The following PRRG4 variants were observed in gnomAD, a reference collection of about 807,000 sequenced individuals.
The protein encoded by PRRG4 is proline rich and Gla domain 4.
PRRG4 carries 12 observed loss-of-function variants against 20.0 expected under a neutral mutation model. The observed-to-expected ratio is 0.60, with a 90% CI of 0.38 to 0.97. The LOEUF is 0.97. Among genes scored for constraint, PRRG4 ranks in the 50% least tolerant of loss-of-function variants. PRRG4 has a pLI of 0.00. For missense variants in PRRG4, 199 were observed against 265.1 expected (o/e 0.75, Z 1.73); for synonymous variants, 94 against 96.4 (o/e 0.98, Z 0.15).
intron 3 of PRRG4, among the ~76,000 whole-genome samples, chr11:32,837,894 C>T (rs1397199320): frequency 2.0e-5 from 3 of 151,996 alleles, no homozygotes; most frequent in Non-Finnish European, 4.4e-5. Flanking sequence ...ATAACCCTAG[C>T]TCCTTTTTCC....
intron 2 of PRRG4, among the ~76,000 whole-genome samples, chr11:32,835,251 G>A (rs1307527717): frequency 6.6e-6 from 1 of 152,212 alleles, no homozygotes; most frequent in African/African-American, 2.4e-5. Flanking sequence ...TGTTCTCAAA[G>A]GGCCAAAAAT....
chr11:32,852,374 G>GA (rs1227933161), intron 5 of PRRG4, among the ~76,000 whole-genome samples: 1 of 152,194 alleles, frequency 6.6e-6, no homozygotes, highest in East Asian at 1.9e-4. Flanking sequence ...AGAATGACGT[G>GA]AAGAAAGTAC....
intron 2 of PRRG4, among the ~76,000 whole-genome samples, chr11:32,834,973 C>T (rs557570559): frequency 7.2e-5 from 11 of 152,194 alleles, no homozygotes; most frequent in South Asian, 2.1e-4. Flanking sequence ...ACCACCACAC[C>T]GGGCTAATTT....
chr11:32,845,094 TAAAAAAAATAAA>T (rs1565116164), intron 5 of PRRG4, among the ~76,000 whole-genome samples: 1 of 151,660 alleles, frequency 6.6e-6, no homozygotes, highest in Non-Finnish European at 1.5e-5. Context: ...TATGATCTTG[TAAAAAAAATAAA>T]AATAAAAATA....
rs201630049 is a variant in PRRG4 at position 32,844,977 on chromosome 11, G to A, written c.449+4738G>A. On this transcript the variant is annotated intron_variant, in intron 5 of 5. Transcript: ENST00000257836. ...AAACATATTATCAGAAGGTAATATA[G>A]ATAGTATAATCAGAAAGTATTATAT... 9.2e-5 allele frequency among the ~76,000 whole-genome samples: 14 copies of A among 152,224 alleles called. No homozygotes were observed. The East Asian group carries it at 1.7e-3, about 19-fold the overall frequency.
chr11:32,833,258 G>C (rs1422932393), intron 2 of PRRG4, among the ~76,000 whole-genome samples: 1 of 152,162 alleles, frequency 6.6e-6, no homozygotes, highest in African/African-American at 2.4e-5. Flanking sequence ...ATTTAATACA[G>C]TGTTAATCAT....
intron 2 of PRRG4, among the ~76,000 whole-genome samples, chr11:32,833,045 G>T (rs1221077335): frequency 2.0e-5 from 3 of 152,200 alleles, no homozygotes; most frequent in Non-Finnish European, 4.4e-5. Flanking sequence ...AAAGCCAAGG[G>T]TGTTTCAAGG....
intron 5 of PRRG4, among the ~76,000 whole-genome samples, chr11:32,845,612 C>T (rs1224054886): frequency 3.5e-5 from 5 of 143,710 alleles, no homozygotes; most frequent in African/African-American, 7.8e-5. Flanking sequence ...GGCAACAGAG[C>T]AAGACTCCGT....
At chr11:32,830,788 A>AT (rs1273731951) in intron 2 of PRRG4, among the ~76,000 whole-genome samples, 156 bp downstream of exon 2, 1 of 152,154 alleles carries the variant, frequency 6.6e-6, no homozygotes, top group Non-Finnish European at 1.5e-5. Flanking sequence ...GTGTTTTTTT[A>AT]TGTTCTTTAA....
At chr11:32,841,703 G>C (rs990360624) in intron 5 of PRRG4, among the ~76,000 whole-genome samples, 2 of 152,044 alleles carry the variant, frequency 1.3e-5, no homozygotes, top group Non-Finnish European at 2.9e-5. Flanking sequence ...TCATCTGCTT[G>C]TGGGGCTGAG....
chr11:32,851,051 C>T (rs1851178746), intron 5 of PRRG4, among the ~76,000 whole-genome samples: 1 of 151,984 alleles, frequency 6.6e-6, no homozygotes, highest in Admixed American at 6.6e-5. Context: ...CCAATCTCGG[C>T]AACAGGAGTG....
At chr11:32,841,643 T>TA (rs145866061) in intron 5 of PRRG4, among the ~76,000 whole-genome samples, 4 of 151,072 alleles carry the variant, frequency 2.6e-5, no homozygotes, top group Non-Finnish European at 4.4e-5. Context: ...CCTATCTCTA[T>TA]AAAAAAAAAT....
intron 5 of PRRG4, among the ~76,000 whole-genome samples, chr11:32,848,143 C>T (rs184851968): frequency 6.6e-6 from 1 of 152,286 alleles, no homozygotes; most frequent in Admixed American, 6.5e-5. Context: ...CTCATAAGGA[C>T]CCAGTCTCTG....
chr11:32,840,156 T>C lies in PRRG4; in HGVS notation c.366T>C (p.Ile122=), dbSNP rs1024695960. 1.9e-5 allele frequency: 30 copies of C among 1,608,672 alleles called. No individual in the cohort carries two copies. The highest frequency in any genetic ancestry group is 2.5e-5 in the Non-Finnish European group (29 of 1,175,482). The stretch of plus-strand genomic sequence containing the variant: ...TTATGGGCCTTCTGACTGGATTAAT[T>C]GCTGCTGGAGTATTTTTGGTTATTT... ...IDVMGLLTGL[I]AAGVFLVIFG... Residue 122 remains isoleucine (I), a synonymous_variant, in exon 5 of 6, where the codon ATT becomes ATC. Coordinates refer to ENST00000257836, the MANE Select transcript of PRRG4 (RefSeq NM_024081.6). The surrounding 1 kb of genome is among the most constrained non-coding windows in gnomAD (Gnocchi z 4.1).
intron 4 of PRRG4, among the ~76,000 whole-genome samples, chr11:32,839,720 A>AT (rs1565114620): frequency 0.024 from 3,321 of 139,402 alleles, 148 homozygotes; most frequent in African/African-American, 0.084. Flanking sequence ...TAAAATATAA[A>AT]TATATTTTGA....
In PRRG4 at chr11:32,854,493, G is replaced by A. The variant is rs1476947266; in HGVS notation, c.*966G>A. 6.6e-6 allele frequency: 1 copy of A among 150,612 alleles called. No individual in the cohort carries two copies. The highest frequency in any genetic ancestry group is 6.7e-5 in the Admixed American group (1 of 14,988). 9.3% of individuals were successfully genotyped at this position (150,612 alleles called of 1,614,324 possible). On this transcript the variant is annotated 3_prime_UTR_variant, in exon 6 of 6. Transcript: ENST00000257836. ...GAATCGCTTGAACTCGGGAGGTGGA[G>A]GTTGTAGTGAGGCGAGATTGTGCCA...
intron 5 of PRRG4, among the ~76,000 whole-genome samples, chr11:32,850,930 G>A (rs368773538): frequency 4.6e-5 from 7 of 152,082 alleles, no homozygotes; most frequent in African/African-American, 1.2e-4. Context: ...AAAATTAGCC[G>A]GGTGTGGTGG....
rs1851221255 is a variant in PRRG4, at chr11:32,855,371, T to C, written c.*1844T>C. 1 of 86,348 alleles carries C rather than the reference T, an allele frequency of 1.2e-5. No individual in the cohort carries two copies. Among genetic ancestry groups the C allele is most frequent in the Admixed American group, 1.4e-4 (1 of 7,340 alleles). The allele number at this position is 86,348 out of a possible 1,614,324, so 5.3% of individuals were successfully genotyped here. On this transcript the variant is annotated 3_prime_UTR_variant, in exon 6 of 6. Transcript: ENST00000257836. ...CTGAAAAATAGAATAGAAATTTCTG[T>C]GCTTTATGTTTTTGCCAGGCTATTA...
In PRRG4 at chr11:32,853,838, T is replaced by G; in HGVS notation, c.*311T>G. The G allele has an allele frequency of 7.4e-6, 1 of 134,716 alleles. No homozygotes were observed. Among genetic ancestry groups the G allele is most frequent in the Admixed American group, 8.3e-5 (1 of 12,062 alleles). The allele number at this position is 134,716 out of a possible 1,614,324, so 8.3% of individuals were successfully genotyped here. ...GCAAGACTCCATCTCAAAAATAAAA[T>G]AAAAAAAGAAAGAAAGAAAAGAAGA... On this transcript the variant is annotated 3_prime_UTR_variant, in exon 6 of 6. Transcript: ENST00000257836.
Sources: gnomAD v4.1 joint callset for allele counts (sites outside exome capture counted in the v4.1 genomes callset) on GRCh38, gnomAD v4.1.1 for gene constraint, Gnocchi (gnomAD v3.1) non-coding constraint, MANE v1.5 for transcripts, NCBI Gene and HGNC (gene_info 2026-07-23, HGNC 2026-07-21) for gene names.